The following FUBP1 variants were observed in gnomAD, a reference collection of about 807,000 sequenced individuals.
FUBP1 encodes the protein far upstream element-binding protein 1.
In FUBP1, 16 loss-of-function variants were observed where a neutral mutation model predicts 94.9. The ratio of observed to expected loss-of-function variants is 0.17; its 90% CI spans 0.11 to 0.26. The LOEUF (loss-of-function observed/expected upper bound fraction) is 0.26. Ranked by LOEUF, FUBP1 falls within the 10% of genes least tolerant of loss-of-function variation. The pLI is 1.00. For synonymous variants in FUBP1, 279 were observed against 254.9 expected (o/e 1.09, Z -0.90); for missense variants, 583 against 808.6 (o/e 0.72, Z 3.38).
In FUBP1 at chr1:77,978,915, A is replaced by T. The variant is rs1366997000; in HGVS notation, c.90T>A (p.Ala30=). 6.2e-7 allele frequency: 1 copy of T among 1,613,754 alleles called. No individual in the cohort carries two copies. The highest frequency in any genetic ancestry group is 8.5e-7 in the Non-Finnish European group (1 of 1,179,896). The part of the protein sequence containing the change: ...GGGGGGGVND[A]FKDALQRARQ... The stretch of plus-strand genomic sequence containing the variant: ...GGGCTCTCTGCAGTGCATCTTTGAA[A>T]GCGTCGTTAACTCCTCCACCACCAC... Residue 30 remains alanine, a synonymous_variant, in exon 1 of 20, where the codon GCT becomes GCA. Transcript: ENST00000370768.
At position 77,968,070 on chromosome 1, in the gene FUBP1, A is replaced by T. The variant is rs376533202; in HGVS notation, c.250+95T>A. ...GCTAGCTGATCCAAAATACTCATAA[A>T]CCAACTAACTTCAAAGATACCCAAT... On this transcript the variant is annotated intron_variant, in intron 3 of 19. Coordinates refer to ENST00000370768, the MANE Select transcript of FUBP1 (RefSeq NM_003902.5). The T allele has an allele frequency of 4.3e-5, 33 of 763,934 alleles. 2 individuals carry two copies. Among genetic ancestry groups the T allele is most frequent in the East Asian group, 2.0e-4 (7 of 34,382 alleles). 47.3% of individuals were successfully genotyped at this position (763,934 alleles called of 1,614,324 possible). A position where few individuals can be genotyped will look rare whatever the true frequency, so the allele number is the denominator to read the frequency against.
At chr1:77,974,876 T>C (rs1044251685) in intron 1 of FUBP1, among the ~76,000 whole-genome samples, 1 of 152,238 alleles carries the variant, frequency 6.6e-6, no homozygotes, top group Non-Finnish European at 1.5e-5. Flanking sequence ...TATGATCAAC[T>C]ATAGTCCCTC....
rs1557450423 is a variant in FUBP1, at chr1:77,964,680, T to C, written c.803A>G (p.Tyr268Cys). Residue 268 changes from tyrosine to cysteine, a missense_variant, in exon 10 of 20, where the codon TAT becomes TGT. By Grantham distance (194) the Tyr-to-Cys change is radical. Coordinates refer to ENST00000370768, the MANE Select transcript of FUBP1 (RefSeq NM_003902.5). ...TTCATTTCCTCCTATTCTTGACCCA[T>C]ACTCATTCCGAACTTCTCTGAAACC... is the stretch of plus-strand genomic sequence containing the variant. The part of the protein sequence containing the change: ...QGGFREVRNE[Y>C]GSRIGGNEGI... 6.2e-7 allele frequency: 1 copy of C among 1,609,560 alleles called. No homozygotes were observed.
intron 1 of FUBP1, among the ~76,000 whole-genome samples, chr1:77,977,888 T>C (rs976568563): frequency 1.3e-5 from 2 of 152,230 alleles, no homozygotes; most frequent in African/African-American, 4.8e-5. Flanking sequence ...TCAATGTTCC[T>C]TCAACTGTCC....
intron 16 of FUBP1, among the ~76,000 whole-genome samples, chr1:77,959,504 T>G (rs1555798): frequency 6.6e-6 from 1 of 152,038 alleles, no homozygotes; most frequent in Non-Finnish European, 1.5e-5. Flanking sequence ...CTTAACACTC[T>G]GTTGGACTGT....
chr1:77,956,837 GA>G, intron 16 of FUBP1, 137 bp from the exon 17 acceptor site: 1 of 498,816 alleles, frequency 2.0e-6, no homozygotes, highest in Non-Finnish European at 3.4e-6. Context: ...AAAAGTATAT[GA>G]AAACTTAAAT....
Position 77,978,864 on chromosome 1 carries a change from C to T in FUBP1, c.120+21G>A, listed in dbSNP as rs112889586. The T allele has an allele frequency of 1.5e-4, 236 of 1,613,600 alleles. 1 individual carries two copies. In the African/African-American group the frequency reaches 1.5e-3, roughly 10 times the overall value. Reference sequence around the variant, plus strand: ...CAATTACCGTGAGCTTTCGGGATTCCGCCGCGCGGTCCACACTTACCTGCC... The same window carrying T: ...CAATTACCGTGAGCTTTCGGGATTCTGCCGCGCGGTCCACACTTACCTGCC... On this transcript the variant is annotated intron_variant, in intron 1 of 19. Transcript: ENST00000370768.
At chr1:77,962,588 CATTTA>C (rs757825185) in intron 14 of FUBP1, among the ~76,000 whole-genome samples, 177 bp downstream of exon 14, 10 of 152,166 alleles carry the variant, frequency 6.6e-5, no homozygotes, top group Non-Finnish European at 1.5e-4. Flanking sequence ...TGTAACTACA[CATTTA>C]ATTAGGTTAT....
intron 1 of FUBP1, among the ~76,000 whole-genome samples, chr1:77,976,386 T>C (rs1028655292): frequency 6.6e-6 from 1 of 152,202 alleles, no homozygotes; most frequent in South Asian, 2.1e-4. Flanking sequence ...AGCAAAGACA[T>C]CAGGACAACT....
Position 77,960,372 on chromosome 1 carries a change from T to G in FUBP1, c.1468A>C (p.Asn490His). The change falls in exon 15 of 20, where the codon AAT (asparagine) becomes CAT (histidine). Residue 490 changes from asparagine (N) to histidine (H), a missense_variant. Transcript: ENST00000370768. ...PMGPYNPAPY[N>H]PGPPGPAPHG... ...GGAGCCGGGCCTGGTGGTCCAGGAT[T>G]ATAAGGTGCAGGGTTGTATGGTCCC... 1 of 1,609,474 alleles carries G rather than the reference T, an allele frequency of 6.2e-7. No homozygotes were observed. The highest frequency in any genetic ancestry group is 8.5e-7 in the Non-Finnish European group (1 of 1,179,186).
rs561559845 is a variant in FUBP1 at position 77,947,095 on chromosome 1, C to A, written c.*1671G>T. The A allele has an allele frequency of 2.4e-5, 5 of 205,308 alleles. No homozygotes were observed. Among genetic ancestry groups the A allele is most frequent in the African/African-American group, 9.1e-5 (4 of 43,848 alleles). The allele number at this position is 205,308 out of a possible 1,614,324, so 12.7% of individuals were successfully genotyped here. The stretch of plus-strand genomic sequence containing the variant: ...TGCTCATTATTTGCAAACTGAAATC[C>A]CCTTCTGTCTGATACATTTCAAGAC... On this transcript the variant is annotated 3_prime_UTR_variant, in exon 20 of 20. Transcript: ENST00000370768.
intron 1 of FUBP1, 59 bp downstream of exon 1, chr1:77,978,826 C>G: frequency 6.2e-7 from 1 of 1,603,570 alleles, no homozygotes; most frequent in Non-Finnish European, 8.5e-7. Flanking sequence ...TAGCGGCCTA[C>G]TCAGTCAGCG....
upstream of FUBP1, chr1:77,979,206 G>C (rs558792681): frequency 2.4e-5 from 14 of 575,190 alleles, no homozygotes; most frequent in Admixed American, 3.4e-4. Flanking sequence ...GAGAAAGAAC[G>C]ACAGGAACAG....
chr1:77,958,881 C>G (rs943448230), intron 16 of FUBP1, among the ~76,000 whole-genome samples: 2 of 152,158 alleles, frequency 1.3e-5, no homozygotes, highest in African/African-American at 4.8e-5. Flanking sequence ...AAAGAAAAGC[C>G]CTTTCATTCT....
chr1:77,972,780 A>C (rs1657822693), intron 1 of FUBP1, among the ~76,000 whole-genome samples: 1 of 151,654 alleles, frequency 6.6e-6, no homozygotes, highest in Non-Finnish European at 1.5e-5. Flanking sequence ...AAAAAAGAAA[A>C]GAAAAGAAAA....
At chr1:77,954,690 A>T (rs1017744095) in intron 18 of FUBP1, among the ~76,000 whole-genome samples, 1 of 152,194 alleles carries the variant, frequency 6.6e-6, no homozygotes, top group Non-Finnish European at 1.5e-5. Context: ...TTCATTTGTG[A>T]CATCTAGCTG....
chr1:77,967,765 CT>C, intron 3 of FUBP1, 99 bp from the exon 4 acceptor site: 2 of 742,774 alleles, frequency 2.7e-6, no homozygotes, highest in South Asian at 3.7e-5. Flanking sequence ...AAATCTCTCC[CT>C]AATGCACAGA....
intron 18 of FUBP1, 123 bp from the exon 19 acceptor site, chr1:77,949,423 G>C: frequency 1.4e-6 from 1 of 732,772 alleles, no homozygotes; most frequent in Non-Finnish European, 2.1e-6. Context: ...TCTTGTGTTT[G>C]CCCTTGTTGA....
At chr1:77,972,574 C>T (rs1187721412) in intron 1 of FUBP1, among the ~76,000 whole-genome samples, 1 of 142,502 alleles carries the variant, frequency 7.0e-6, no homozygotes, top group Non-Finnish European at 1.5e-5. Context: ...CATGGTGAAA[C>T]ACCACCTCTA....
Sources: gnomAD v4.1 joint callset for allele counts (sites outside exome capture counted in the v4.1 genomes callset) on GRCh38, gnomAD v4.1.1 for gene constraint, MANE v1.5 for transcripts, NCBI Gene and HGNC (gene_info 2026-07-23, HGNC 2026-07-21) for gene names.